ABCB1: variants seen among roughly 807,000 people sequenced by gnomAD.
The protein encoded by ABCB1 is ATP-dependent translocase ABCB1.
A neutral mutation model predicts 142.0 loss-of-function variants in ABCB1; 69 were observed. The observed-to-expected ratio is 0.49, with a 90% CI of 0.40 to 0.59. The LOEUF (loss-of-function observed/expected upper bound fraction) is 0.59. Ranked by LOEUF, ABCB1 falls within the 20% of genes least tolerant of loss-of-function variation. The probability of loss-of-function intolerance (pLI) is 0.00; values close to 1 mark genes in which losing one functional copy is unlikely to be tolerated. For missense variants in ABCB1, 1,326 were observed against 1,554.7 expected (o/e 0.85, Z 2.47); for synonymous variants, 532 against 539.2 (o/e 0.99, Z 0.18).
chr7:87,576,980 G>C (rs1818297054), intron 4 of ABCB1, among the ~76,000 whole-genome samples: 1 of 152,046 alleles, frequency 6.6e-6, no homozygotes. Flanking sequence ...TAGTCACCCT[G>C]TTGTGTGATC....
chr7:87,702,834 A>G (rs1829213233), intron 1 of ABCB1, among the ~76,000 whole-genome samples: 1 of 152,184 alleles, frequency 6.6e-6, no homozygotes, highest in Admixed American at 6.5e-5. Context: ...CATTTAATGC[A>G]AATATTCCAA....
intron 1 of ABCB1, among the ~76,000 whole-genome samples, chr7:87,623,557 C>T (rs1338219041): frequency 1.3e-5 from 2 of 152,232 alleles, no homozygotes; most frequent in African/African-American, 4.8e-5. Flanking sequence ...TTCCATGATG[C>T]TCTCTGGAAC....
intron 1 of ABCB1, among the ~76,000 whole-genome samples, chr7:87,690,607 T>C (rs183823671): frequency 4.6e-5 from 7 of 152,254 alleles, no homozygotes; most frequent in African/African-American, 9.6e-5. Context: ...GATAGTCTCA[T>C]TGTTAGCTGA....
At position 87,519,306 on chromosome 7, in the gene ABCB1, A is replaced by T. The variant is rs757442554; in HGVS notation, c.2927+20T>A. On this transcript the variant is annotated intron_variant, in intron 23 of 27. Coordinates refer to ENST00000622132, the MANE Select transcript of ABCB1 (RefSeq NM_001348946.2). ...CAGCTTTATTTTTAGAGCTTAACTA[A>T]ATAATAGCCCAATACTTACAACAGA... 8.1e-6 allele frequency: 13 copies of T among 1,611,990 alleles called. No individual in the cohort carries two copies. In the South Asian group the frequency reaches 8.8e-5, roughly 11 times the overall value.
intron 1 of ABCB1, among the ~76,000 whole-genome samples, chr7:87,628,194 A>G (rs1003400957): frequency 3.9e-5 from 6 of 152,136 alleles, no homozygotes; most frequent in African/African-American, 1.4e-4. Context: ...CTGTGTGGCT[A>G]CTGGCGGCAG....
chr7:87,640,884 A>C (rs1822381266), intron 1 of ABCB1, among the ~76,000 whole-genome samples: 1 of 152,194 alleles, frequency 6.6e-6, no homozygotes, highest in African/African-American at 2.4e-5. Context: ...TTTTTAAAAT[A>C]GACTCTAACC....
At chr7:87,536,245 A>C (rs1385073259) in intron 20 of ABCB1, among the ~76,000 whole-genome samples, 1 of 152,254 alleles carries the variant, frequency 6.6e-6, no homozygotes, top group African/African-American at 2.4e-5. Flanking sequence ...CAGCAATAGC[A>C]AATGGTTTAT....
chr7:87,512,955 G>A (rs996423323), intron 25 of ABCB1, among the ~76,000 whole-genome samples: 3 of 152,114 alleles, frequency 2.0e-5, no homozygotes, highest in African/African-American at 7.2e-5. Context: ...GGACTAGAAG[G>A]CTAAAAACTA....
chr7:87,541,968 T>C (rs1475873975), intron 17 of ABCB1, among the ~76,000 whole-genome samples: 9 of 152,140 alleles, frequency 5.9e-5, no homozygotes, highest in Admixed American at 1.3e-4. Flanking sequence ...AGAGAGCCAG[T>C]TGGAAACTAC....
chr7:87,536,609 C>CTCCAA lies in ABCB1; in HGVS notation c.2398-69_2398-68insTTGGA. On this transcript the variant is annotated intron_variant, in intron 19 of 27. Coordinates refer to ENST00000622132, the MANE Select transcript of ABCB1 (RefSeq NM_001348946.2). ...GAGACTCTCAGCTCCAAGAGGGCAG[C>CTCCAA]GATGGGGTCAGTTTTGTTTATACTT... The CTCCAA allele has an allele frequency of 2.8e-6, 4 of 1,451,146 alleles. No individual in the cohort carries two copies. In the South Asian group the frequency reaches 4.6e-5, roughly 17 times the overall value. 89.9% of individuals were successfully genotyped at this position (1,451,146 alleles called of 1,614,324 possible). A position where few individuals can be genotyped will look rare whatever the true frequency, so the allele number is the denominator to read the frequency against.
intron 4 of ABCB1, among the ~76,000 whole-genome samples, chr7:87,572,028 A>G (rs558671806): frequency 1.1e-4 from 17 of 152,240 alleles, no homozygotes; most frequent in Non-Finnish European, 1.9e-4. Context: ...CAATACAACA[A>G]TAAACTTTTT....
At chr7:87,652,940 G>C (rs755516351) in intron 1 of ABCB1, among the ~76,000 whole-genome samples, 1 of 151,854 alleles carries the variant, frequency 6.6e-6, no homozygotes, top group Non-Finnish European at 1.5e-5. Flanking sequence ...TGAAGTAAAA[G>C]GACATTTGTT....
intron 1 of ABCB1, among the ~76,000 whole-genome samples, chr7:87,679,440 G>A (rs998526749): frequency 1.3e-5 from 2 of 149,682 alleles, no homozygotes; most frequent in African/African-American, 5.0e-5. Context: ...CCAGGTTGGA[G>A]TGCAATGGCA....
chr7:87,676,696 C>T (rs1040810845), intron 1 of ABCB1, among the ~76,000 whole-genome samples: 1 of 138,792 alleles, frequency 7.2e-6, no homozygotes, highest in African/African-American at 2.7e-5. Context: ...AGAGCAAGAC[C>T]CTGTCTCAAA....
intron 26 of ABCB1, among the ~76,000 whole-genome samples, chr7:87,508,858 C>T (rs1814870441): frequency 6.6e-6 from 1 of 152,098 alleles, no homozygotes; most frequent in South Asian, 2.1e-4. Flanking sequence ...ATGCCTACTT[C>T]CTCAGCAGGC....
intron 19 of ABCB1, among the ~76,000 whole-genome samples, chr7:87,537,514 C>T (rs576789885): frequency 6.6e-6 from 1 of 152,150 alleles, no homozygotes; most frequent in South Asian, 2.1e-4. Flanking sequence ...GGTTTTTAGC[C>T]CAAACAACTA....
intron 2 of ABCB1, among the ~76,000 whole-genome samples, chr7:87,596,508 T>C (rs1563068790): frequency 6.6e-6 from 1 of 152,214 alleles, no homozygotes; most frequent in Middle Eastern, 3.4e-3. Flanking sequence ...TGAGCCCAGA[T>C]ACAAATGAAT....
intron 1 of ABCB1, among the ~76,000 whole-genome samples, chr7:87,624,776 C>T (rs1820345973): frequency 6.6e-6 from 1 of 152,050 alleles, no homozygotes; most frequent in African/African-American, 2.4e-5. Context: ...GAAAGAGACC[C>T]AGGACATACT....
At chr7:87,598,902 G>GA (rs1283238818) in intron 2 of ABCB1, among the ~76,000 whole-genome samples, 1 of 152,154 alleles carries the variant, frequency 6.6e-6, no homozygotes, top group Non-Finnish European at 1.5e-5. Flanking sequence ...AGACCTGGCT[G>GA]AAATTAGCTA....
Sources: gnomAD v4.1 joint callset for allele counts (sites outside exome capture counted in the v4.1 genomes callset) on GRCh38, gnomAD v4.1.1 for gene constraint, MANE v1.5 for transcripts, NCBI Gene and HGNC (gene_info 2026-07-23, HGNC 2026-07-21) for gene names.